Variants in ANKS3 observed in about 807,000 individuals in gnomAD.
ANKS3 encodes the protein ankyrin repeat and SAM domain-containing protein 3.
A neutral mutation model predicts 80.7 loss-of-function variants in ANKS3; 62 were observed. That is an observed-to-expected ratio of 0.77 (90% CI 0.63 to 0.95). The LOEUF is 0.95. Ranked by LOEUF, ANKS3 falls within the 40% of genes least tolerant of loss-of-function variation. The pLI, the probability that ANKS3 is intolerant of heterozygous loss-of-function variation, is 0.00. For synonymous variants in ANKS3, 489 were observed against 355.3 expected (o/e 1.38, Z -4.23); for missense variants, 1,150 against 883.6 (o/e 1.30, Z -3.82).
At chr16:4,718,345 GA>G (rs1043306510) in intron 6 of ANKS3, among the ~76,000 whole-genome samples, 1 of 152,142 alleles carries the variant, frequency 6.6e-6, no homozygotes, top group Non-Finnish European at 1.5e-5. Context: ...AGAAAGTTTA[GA>G]AACCCTGGAA....
intron 7 of ANKS3, among the ~76,000 whole-genome samples, chr16:4,711,785 T>C (rs997008171): frequency 1.7e-4 from 25 of 149,480 alleles, no homozygotes; most frequent in African/African-American, 5.6e-4. Flanking sequence ...TCTGAAATCC[T>C]AGATGAAGTG....
intron 6 of ANKS3, among the ~76,000 whole-genome samples, chr16:4,719,654 C>T (rs2080982635): frequency 6.6e-6 from 1 of 151,228 alleles, no homozygotes; most frequent in African/African-American, 2.4e-5. Context: ...AAAAAAACAG[C>T]CAGGCGTGGT....
intron 7 of ANKS3, among the ~76,000 whole-genome samples, chr16:4,708,938 C>CAA (rs1174728403): frequency 2.4e-5 from 3 of 127,292 alleles, no homozygotes; most frequent in Admixed American, 1.6e-4. Context: ...GACTCTGTCT[C>CAA]AAAAAAAAAA....
At chr16:4,729,165 CA>C (rs2081501547) in intron 3 of ANKS3, among the ~76,000 whole-genome samples, 1 of 152,154 alleles carries the variant, frequency 6.6e-6, no homozygotes, top group Non-Finnish European at 1.5e-5. Flanking sequence ...TGGACCCTGC[CA>C]GGGGCTTTAT....
Position 4,698,606 on chromosome 16 carries a change from G to C in ANKS3, c.1552-7C>G, listed in dbSNP as rs775772589. On this transcript the variant is annotated splice_polypyrimidine_tract_variant and splice_region_variant and intron_variant, in intron 13 of 17. Coordinates refer to ENST00000304283, the MANE Select transcript of ANKS3 (RefSeq NM_133450.4). ...CCTCTACCTCCTCGCAGCGCTGCAG[G>C]GGGGTGGGGGGCGCGGGGAGGCTGG... 3.2e-6 allele frequency: 5 copies of C among 1,548,622 alleles called. No individual in the cohort carries two copies. Among genetic ancestry groups the C allele is most frequent in the Admixed American group, 1.9e-5 (1 of 53,774 alleles).
rs2080655099 is a variant in ANKS3, at chr16:4,714,248, C to T, written c.574-62G>A. On this transcript the variant is annotated intron_variant, in intron 6 of 17. Coordinates refer to ENST00000304283, the MANE Select transcript of ANKS3 (RefSeq NM_133450.4). ...CTTCAAAGCACCTGCCCTTCCTGGG[C>T]TGCTGGCTGGGAAGACAGAAGGGCA... is the stretch of plus-strand genomic sequence containing the variant. The T allele has an allele frequency of 1.9e-6, 3 of 1,594,310 alleles. No individual in the cohort carries two copies. The East Asian group carries it at 6.7e-5, about 36-fold the overall frequency.
chr16:4,708,803 T>G (rs930916547), intron 7 of ANKS3, among the ~76,000 whole-genome samples: 1 of 151,448 alleles, frequency 6.6e-6, no homozygotes, highest in Non-Finnish European at 1.5e-5. Flanking sequence ...CCAGGTGTGG[T>G]GGTGGGCACC....
At chr16:4,711,621 G>A (rs953159969) in intron 7 of ANKS3, among the ~76,000 whole-genome samples, 10 of 151,330 alleles carry the variant, frequency 6.6e-5, no homozygotes, top group African/African-American at 2.4e-4. Context: ...GGGACGCTGA[G>A]GCAGGAGAAT....
At chr16:4,703,883 G>C (rs1778635735) in intron 8 of ANKS3, among the ~76,000 whole-genome samples, 2 of 152,138 alleles carry the variant, frequency 1.3e-5, no homozygotes, top group South Asian at 2.1e-4. Context: ...AGACATGTAT[G>C]ATTTTGTTAA....
At chr16:4,726,815 A>T in intron 4 of ANKS3, 35 bp from the exon 5 acceptor site, 2 of 1,606,594 alleles carry the variant, frequency 1.2e-6, no homozygotes, top group East Asian at 2.2e-5. Flanking sequence ...TTACGGCCTC[A>T]TCTCCTCTGC....
intron 6 of ANKS3, among the ~76,000 whole-genome samples, chr16:4,717,750 G>C (rs2080873851): frequency 1.3e-5 from 2 of 151,908 alleles, no homozygotes; most frequent in African/African-American, 4.8e-5. Flanking sequence ...CCCAGCTCAA[G>C]TGATCCTCCC....
At chr16:4,729,026 A>T (rs1316276635) in intron 3 of ANKS3, among the ~76,000 whole-genome samples, 2 of 152,192 alleles carry the variant, frequency 1.3e-5, no homozygotes, top group East Asian at 1.9e-4. Context: ...AGGTCGCTGC[A>T]CCACAATATC....
At chr16:4,726,922 G>C in intron 4 of ANKS3, 57 bp downstream of exon 4, 3 of 1,610,314 alleles carry the variant, frequency 1.9e-6, no homozygotes, top group Non-Finnish European at 2.5e-6. Flanking sequence ...TCGCATCTCT[G>C]TCAGGGTGGC....
chr16:4,698,546 C>A lies in ANKS3; in HGVS notation c.1605G>T (p.Leu535=), dbSNP rs1433310267. The A allele has an allele frequency of 3.2e-6, 5 of 1,580,818 alleles. No individual in the cohort carries two copies. In the South Asian group the frequency reaches 3.4e-5, roughly 11 times the overall value. The change falls in exon 14 of 18, where the codon CTG becomes CTT. Residue 535 remains leucine, a synonymous_variant. Coordinates refer to ENST00000304283, the MANE Select transcript of ANKS3 (RefSeq NM_133450.4). ...GCAGGCAGCTCTCCACCACGGCGCGCAGCTCCTGCTCCTGACACACCTGGC... is the reference window on the plus strand; with the variant it reads ...GCAGGCAGCTCTCCACCACGGCGCGAAGCTCCTGCTCCTGACACACCTGGC... ...TRGQVCQEQE[L]RAVVESCLLE...
At position 4,696,832 on chromosome 16, in the gene ANKS3, G is replaced by C. The variant is rs762317694; in HGVS notation, c.*76C>G. The C allele has an allele frequency of 8.0e-5, 51 of 638,088 alleles. No individual in the cohort carries two copies. The highest frequency in any genetic ancestry group is 4.2e-4 in the Middle Eastern group (1 of 2,368). The allele number at this position is 638,088 out of a possible 1,614,324, so 39.5% of individuals were successfully genotyped here. ...CCTGGGCTGCACATGGCAGCTACCTGCTCACTGTCCTCCTCACTCCCTGGC... is the reference window on the plus strand; with the variant it reads ...CCTGGGCTGCACATGGCAGCTACCTCCTCACTGTCCTCCTCACTCCCTGGC... On this transcript the variant is annotated 3_prime_UTR_variant, in exon 18 of 18. Coordinates refer to ENST00000304283, the MANE Select transcript of ANKS3 (RefSeq NM_133450.4).
intron 5 of ANKS3, among the ~76,000 whole-genome samples, chr16:4,725,586 G>C (rs531133448): frequency 6.6e-6 from 1 of 152,178 alleles, no homozygotes; most frequent in Non-Finnish European, 1.5e-5. Context: ...CGCTGCGTTT[G>C]TTCAAAGGTG....
intron 9 of ANKS3, chr16:4,701,898 C>A: frequency 1.7e-6 from 1 of 604,160 alleles, no homozygotes; most frequent in South Asian, 2.8e-5. Context: ...TGCTGTGGAA[C>A]GGCTCCCTTA....
chr16:4,717,987 C>A (rs973312228), intron 6 of ANKS3, among the ~76,000 whole-genome samples: 15 of 152,086 alleles, frequency 9.9e-5, no homozygotes, highest in African/African-American at 3.4e-4. Context: ...GTTGGCCAGG[C>A]TGGTCTTGAA....
chr16:4,700,819 G>C, intron 11 of ANKS3, 151 bp downstream of exon 11: 1 of 1,036,740 alleles, frequency 9.6e-7, no homozygotes, highest in South Asian at 1.3e-5. Context: ...GGAGCCGGCT[G>C]TGAGCCTGTG....
Sources: allele counts gnomAD v4.1 joint callset (sites outside exome capture counted in the v4.1 genomes callset), GRCh38; gene constraint gnomAD v4.1.1; transcripts MANE v1.5; gene names NCBI Gene and HGNC (gene_info 2026-07-23, HGNC 2026-07-21).